L3MBTL4: variants seen among roughly 807,000 people sequenced by gnomAD.
L3MBTL4 encodes the protein L3MBTL histone methyl-lysine binding protein 4, also known as lethal(3)malignant brain tumor-like protein 4.
Under a neutral mutation model 84.5 loss-of-function variants are expected in L3MBTL4, and 70 were observed. That is an observed-to-expected ratio of 0.83 (90% CI 0.68 to 1.01). The LOEUF is 1.01. Ranked by LOEUF, L3MBTL4 falls within the 50% of genes least tolerant of loss-of-function variation. L3MBTL4 has a pLI of 0.00. For synonymous variants in L3MBTL4, 274 were observed against 259.8 expected (o/e 1.05, Z -0.52); for missense variants, 715 against 754.8 (o/e 0.95, Z 0.62).
At chr18:6,081,153 T>C (rs982311096) in intron 15 of L3MBTL4, 1 of 429,254 alleles carries the variant, frequency 2.3e-6, no homozygotes, top group African/African-American at 2.0e-5. Flanking sequence ...CTTTGAACCC[T>C]GAAATTTAAA....
intron 16 of L3MBTL4, among the ~76,000 whole-genome samples, chr18:5,998,466 A>G (rs73938707): frequency 0.084 from 12,734 of 152,198 alleles, 1,783 homozygotes; most frequent in African/African-American, 0.29. Context: ...GGGGCCCTTC[A>G]GGAAGGCTGT....
At chr18:6,302,417 A>G (rs2050382006) in intron 3 of L3MBTL4, among the ~76,000 whole-genome samples, 1 of 152,242 alleles carries the variant, frequency 6.6e-6, no homozygotes, top group Non-Finnish European at 1.5e-5. Flanking sequence ...TAGAATGGAC[A>G]AGCGACTTCA....
At chr18:6,066,169 A>G (rs1239737089) in intron 16 of L3MBTL4, among the ~76,000 whole-genome samples, 1 of 152,104 alleles carries the variant, frequency 6.6e-6, no homozygotes, top group Non-Finnish European at 1.5e-5. Flanking sequence ...TAGTTTTGAG[A>G]ATTCCTTTTG....
chr18:6,091,215 C>T (rs1043056088), intron 15 of L3MBTL4, among the ~76,000 whole-genome samples: 7 of 151,956 alleles, frequency 4.6e-5, no homozygotes, highest in Admixed American at 6.6e-5. Context: ...CATTCCTTGT[C>T]GATTCCTTTG....
At chr18:6,306,268 T>C (rs2050580933) in intron 3 of L3MBTL4, among the ~76,000 whole-genome samples, 2 of 152,226 alleles carry the variant, frequency 1.3e-5, no homozygotes, top group African/African-American at 4.8e-5. Context: ...GTGGGACTTT[T>C]CTCCATCACT....
At position 6,120,610 on chromosome 18, in the gene L3MBTL4, C is replaced by G. The variant is rs1192665290; in HGVS notation, c.1199+17584G>C. On this transcript the variant is annotated intron_variant, in intron 14 of 18. Transcript: ENST00000317931. Reference sequence around the variant, plus strand: ...AGAAAACAGAACATAAACCCAGAGGCCCCTCCATTCCTCCTCTTCCAGTCA... The same window carrying G: ...AGAAAACAGAACATAAACCCAGAGGGCCCTCCATTCCTCCTCTTCCAGTCA... Among the ~76,000 whole-genome samples, 3 of 152,312 alleles carry G rather than the reference C, an allele frequency of 2.0e-5. No individual in the cohort carries two copies. The East Asian group carries it at 5.8e-4, about 29-fold the overall frequency.
intron 1 of L3MBTL4, among the ~76,000 whole-genome samples, chr18:6,400,820 T>C (rs2055479779): frequency 6.6e-6 from 1 of 152,170 alleles, no homozygotes. Flanking sequence ...CTGGGAACTG[T>C]AATCTACAGA....
intron 16 of L3MBTL4, among the ~76,000 whole-genome samples, chr18:5,976,471 C>T (rs1442074275): frequency 6.6e-6 from 1 of 152,164 alleles, no homozygotes; most frequent in Non-Finnish European, 1.5e-5. Context: ...CAGGAAGAGG[C>T]TGGGTGGCTG....
intron 1 of L3MBTL4, among the ~76,000 whole-genome samples, chr18:6,375,554 C>T (rs978843672): frequency 2.0e-5 from 3 of 152,150 alleles, no homozygotes; most frequent in Admixed American, 2.0e-4. Flanking sequence ...CAGCGCTTCC[C>T]TTAGCATGAC....
intron 1 of L3MBTL4, among the ~76,000 whole-genome samples, chr18:6,353,763 A>G (rs1269794237): frequency 6.6e-6 from 1 of 152,092 alleles, no homozygotes; most frequent in East Asian, 1.9e-4. Context: ...ATTATAAAAC[A>G]CTGATGAAAG....
intron 3 of L3MBTL4, among the ~76,000 whole-genome samples, chr18:6,310,984 G>A (rs1191909931): frequency 6.6e-6 from 1 of 152,114 alleles, no homozygotes; most frequent in Non-Finnish European, 1.5e-5. Context: ...AAGGAATTCT[G>A]CCTGCAGACT....
At chr18:6,292,152 A>T (rs2049895466) in intron 4 of L3MBTL4, among the ~76,000 whole-genome samples, 1 of 152,226 alleles carries the variant, frequency 6.6e-6, no homozygotes, top group African/African-American at 2.4e-5. Flanking sequence ...AGCATGCATC[A>T]ATTAAAAATA....
At chr18:6,054,611 GC>G (rs1286928563) in intron 16 of L3MBTL4, among the ~76,000 whole-genome samples, 2 of 152,116 alleles carry the variant, frequency 1.3e-5, no homozygotes, top group Non-Finnish European at 1.5e-5. Flanking sequence ...CCAGAGACAG[GC>G]CCTGATCTCC....
At chr18:6,048,498 G>A (rs2056719219) in intron 16 of L3MBTL4, among the ~76,000 whole-genome samples, 1 of 152,174 alleles carries the variant, frequency 6.6e-6, no homozygotes, top group East Asian at 1.9e-4. Flanking sequence ...TAAGGCAACA[G>A]TAATCAGAAT....
At chr18:5,982,555 T>A (rs1380501946) in intron 16 of L3MBTL4, among the ~76,000 whole-genome samples, 1 of 152,202 alleles carries the variant, frequency 6.6e-6, no homozygotes. Context: ...CTGGGTTTCA[T>A]AAAGACTCCC....
chr18:6,199,214 T>C (rs113852561), intron 12 of L3MBTL4, among the ~76,000 whole-genome samples: 2,011 of 152,308 alleles, frequency 0.013, 44 homozygotes, highest in African/African-American at 0.045. Context: ...AGCCCCCTCA[T>C]GCCTACATGG....
At chr18:6,280,250 C>A (rs895279434) in intron 4 of L3MBTL4, among the ~76,000 whole-genome samples, 1 of 152,184 alleles carries the variant, frequency 6.6e-6, no homozygotes, top group African/African-American at 2.4e-5. Flanking sequence ...GTAAAATCAT[C>A]TAAAACAGTT....
At chr18:6,223,477 G>T (rs1457989908) in intron 10 of L3MBTL4, among the ~76,000 whole-genome samples, 1 of 152,158 alleles carries the variant, frequency 6.6e-6, no homozygotes, top group Non-Finnish European at 1.5e-5. Context: ...AGTTAAAAAT[G>T]ATGTAAAGTA....
intron 1 of L3MBTL4, among the ~76,000 whole-genome samples, chr18:6,386,990 G>C (rs558003301): frequency 2.0e-3 from 302 of 152,320 alleles, no homozygotes; most frequent in African/African-American, 6.8e-3. Context: ...GGTGGCTTGG[G>C]GGTAGATGGC....
Sources: allele counts gnomAD v4.1 joint callset (sites outside exome capture counted in the v4.1 genomes callset), GRCh38; gene constraint gnomAD v4.1.1; transcripts MANE v1.5; gene names NCBI Gene and HGNC (gene_info 2026-07-23, HGNC 2026-07-21).